DPP10: variants seen among roughly 807,000 people sequenced by gnomAD.
DPP10 encodes the protein dipeptidyl peptidase like 10, also known as inactive dipeptidyl peptidase 10.
In DPP10, 33 loss-of-function variants were observed where a neutral mutation model predicts 120.9. The observed-to-expected ratio is 0.27, with a 90% confidence interval of 0.21 to 0.37. DPP10 has a LOEUF of 0.37. Ranked by LOEUF, DPP10 falls within the 10% of genes least tolerant of loss-of-function variation. The pLI is 1.00. For synonymous variants in DPP10, 337 were observed against 326.1 expected, an observed-to-expected ratio of 1.03 and a Z score of -0.36; for missense variants, 816 against 942.8, an observed-to-expected ratio of 0.87 and a Z score of 1.76.
chr2:114,664,683 G>A (rs1249251434), intron 1 of DPP10, among the ~76,000 whole-genome samples: 1 of 149,310 alleles, frequency 6.7e-6, no homozygotes, highest in African/African-American at 2.5e-5. Context: ...TTTTTGCCAC[G>A]AGTAGCCACA....
intron 1 of DPP10, among the ~76,000 whole-genome samples, chr2:115,061,264 A>T (rs1706375743): frequency 6.6e-6 from 1 of 152,136 alleles, no homozygotes. Context: ...TTCTGGGAAA[A>T]CTTTGATATT....
At chr2:114,559,891 C>CAAAAAAAAAAAAAA (rs60833358) in intron 1 of DPP10, among the ~76,000 whole-genome samples, 68 of 65,934 alleles carry the variant, frequency 1.0e-3, no homozygotes, top group African/African-American at 1.5e-3. Context: ...AGAAAAAAAG[C>CAAAAAAAAAAAAAA]AAAAAAAAAA....
intron 1 of DPP10, among the ~76,000 whole-genome samples, chr2:114,603,459 A>G (rs370010192): frequency 2.6e-5 from 4 of 152,144 alleles, no homozygotes; most frequent in South Asian, 2.1e-4. Context: ...TTGTTCTCCT[A>G]TTCTGAGGAT....
In DPP10 at chr2:114,917,879, A is replaced by T. The variant is rs146513942; in HGVS notation, c.61-391360A>T. Among the ~76,000 whole-genome samples, 307 of 152,304 alleles carry T rather than the reference A, an allele frequency of 2.0e-3. 1 individual carries two copies. The highest frequency in any genetic ancestry group is 9.0e-4 in the Non-Finnish European group (61 of 68,016). Reference sequence around the variant, plus strand: ...CCTAGGAGAAAACCTAGGAAATACTATTCCAGACATAGGCCTTGGTAAAGA... The same window carrying T: ...CCTAGGAGAAAACCTAGGAAATACTTTTCCAGACATAGGCCTTGGTAAAGA... On this transcript the variant is annotated intron_variant, in intron 1 of 25. Coordinates refer to ENST00000410059, the MANE Select transcript of DPP10 (RefSeq NM_020868.6).
chr2:114,958,812 T>C (rs2104699733), intron 1 of DPP10, among the ~76,000 whole-genome samples: 1 of 152,290 alleles, frequency 6.6e-6, no homozygotes, highest in Non-Finnish European at 1.5e-5. Context: ...TATTATGAGA[T>C]GAATTTGAAG....
At chr2:114,947,882 T>C (rs1257073043) in intron 1 of DPP10, among the ~76,000 whole-genome samples, 2 of 152,106 alleles carry the variant, frequency 1.3e-5, no homozygotes, top group Admixed American at 1.3e-4. Flanking sequence ...TTTTGTGTTA[T>C]TGAATGTAAT....
intron 1 of DPP10, among the ~76,000 whole-genome samples, chr2:115,135,750 C>T (rs1404387925): frequency 6.6e-6 from 1 of 152,100 alleles, no homozygotes; most frequent in Non-Finnish European, 1.5e-5. Context: ...TCTTGTGAGT[C>T]GCTGAGGCTG....
At chr2:115,702,303 CA>C (rs1167088359) in intron 7 of DPP10, among the ~76,000 whole-genome samples, 1 of 151,944 alleles carries the variant, frequency 6.6e-6, no homozygotes, top group Non-Finnish European at 1.5e-5. Flanking sequence ...TCTCCTCAAA[CA>C]ATTAAACAGA....
rs890154246 is a variant in DPP10 at position 114,721,904 on chromosome 2, A to G, written c.60+279066A>G. On this transcript the variant is annotated intron_variant, in intron 1 of 25. Coordinates refer to ENST00000410059, the MANE Select transcript of DPP10 (RefSeq NM_020868.6). ...CTTCCTATCTGGGCGACTTTTGGCA[A>G]GTTACTTAATTCTGTAAACTTCAGC... Among the ~76,000 whole-genome samples the G allele has an allele frequency of 2.6e-5, 4 of 152,334 alleles. No individual in the cohort carries two copies. The East Asian group carries it at 7.7e-4, about 29-fold the overall frequency.
intron 1 of DPP10, among the ~76,000 whole-genome samples, chr2:115,208,262 C>T (rs756992428): frequency 2.0e-5 from 3 of 148,104 alleles, no homozygotes; most frequent in South Asian, 2.1e-4. Flanking sequence ...TGCAATGGCA[C>T]GATCTTGGCT....
chr2:115,555,978 G>A (rs945292975), intron 5 of DPP10, among the ~76,000 whole-genome samples: 1 of 152,068 alleles, frequency 6.6e-6, no homozygotes, highest in Non-Finnish European at 1.5e-5. Context: ...ATTTCTGTGT[G>A]TGTTTTCAAG....
intron 1 of DPP10, among the ~76,000 whole-genome samples, chr2:114,672,996 T>C (rs1297337994): frequency 6.6e-6 from 1 of 152,184 alleles, no homozygotes; most frequent in East Asian, 1.9e-4. Flanking sequence ...ATCTTTCTGT[T>C]GTATTAACCT....
At chr2:114,790,854 A>G (rs369995673) in intron 1 of DPP10, among the ~76,000 whole-genome samples, 3 of 152,200 alleles carry the variant, frequency 2.0e-5, no homozygotes, top group South Asian at 2.1e-4. Flanking sequence ...CAGTTACTTC[A>G]GGCCATCTGG....
chr2:115,207,843 A>G (rs2056251248), intron 1 of DPP10, among the ~76,000 whole-genome samples: 1 of 152,176 alleles, frequency 6.6e-6, no homozygotes, highest in African/African-American at 2.4e-5. Flanking sequence ...GAAAGATCAC[A>G]CAGTATAGTA....
chr2:114,997,222 A>AT (rs1167102998), intron 1 of DPP10, among the ~76,000 whole-genome samples: 1 of 151,322 alleles, frequency 6.6e-6, no homozygotes, highest in Admixed American at 6.6e-5. Context: ...AAAGTCATAG[A>AT]TGCACGCCTG....
intron 2 of DPP10, among the ~76,000 whole-genome samples, chr2:115,317,641 T>A (rs2061859247): frequency 6.6e-6 from 1 of 151,928 alleles, no homozygotes; most frequent in Non-Finnish European, 1.5e-5. Context: ...TCTTTTTTTT[T>A]TTTTTCAATT....
At chr2:115,400,612 A>G (rs892682162) in intron 3 of DPP10, among the ~76,000 whole-genome samples, 2 of 152,196 alleles carry the variant, frequency 1.3e-5, no homozygotes, top group Non-Finnish European at 2.9e-5. Context: ...AGATAAACCC[A>G]CTGTAGAGTG....
chr2:115,318,642 T>G (rs2061914344), intron 2 of DPP10, among the ~76,000 whole-genome samples: 1 of 152,154 alleles, frequency 6.6e-6, no homozygotes, highest in South Asian at 2.1e-4. Flanking sequence ...TCATACTTGG[T>G]TAAATTCATT....
At chr2:115,403,147 C>T (rs2068230391) in intron 3 of DPP10, among the ~76,000 whole-genome samples, 1 of 150,618 alleles carries the variant, frequency 6.6e-6, no homozygotes, top group South Asian at 2.1e-4. Flanking sequence ...ACCACTTTAA[C>T]AAAATGAAAA....
Sources: allele counts gnomAD v4.1 joint callset (sites outside exome capture counted in the v4.1 genomes callset), GRCh38; gene constraint gnomAD v4.1.1; transcripts MANE v1.5; gene names NCBI Gene and HGNC (gene_info 2026-07-23, HGNC 2026-07-21).